CLSTN2: variants seen among roughly 807,000 people sequenced by gnomAD.
CLSTN2 encodes the protein calsyntenin-2.
In CLSTN2, 48 loss-of-function variants were observed where a neutral mutation model predicts 101.2. That is an observed-to-expected ratio of 0.47 (90% CI 0.38 to 0.60). The LOEUF (loss-of-function observed/expected upper bound fraction) is 0.60, where lower values mean the gene tolerates loss of function less well. Among genes scored for constraint, CLSTN2 ranks in the 20% least tolerant of loss-of-function variants. The probability of loss-of-function intolerance (pLI) is 0.00; values close to 1 mark genes in which losing one functional copy is unlikely to be tolerated. For synonymous variants in CLSTN2, 481 were observed against 463.6 expected (o/e 1.04, Z -0.48); for missense variants, 1,160 against 1,238.2 (o/e 0.94, Z 0.95).
intron 2 of CLSTN2, among the ~76,000 whole-genome samples, chr3:140,289,000 C>T (rs747189402): frequency 1.3e-5 from 2 of 152,140 alleles, no homozygotes; most frequent in Admixed American, 1.3e-4. Flanking sequence ...TGCTCTTTTG[C>T]TGCGTTGATT....
At chr3:140,454,571 C>CA (rs1559874233) in intron 6 of CLSTN2, 1 of 152,156 alleles carries the variant, frequency 6.6e-6, no homozygotes, top group African/African-American at 2.4e-5. Context: ...GATTATCAGT[C>CA]GGGGTAAGAC....
intron 8 of CLSTN2, among the ~76,000 whole-genome samples, chr3:140,499,923 C>T (rs951794655): frequency 4.6e-5 from 7 of 151,998 alleles, no homozygotes; most frequent in African/African-American, 9.7e-5. Flanking sequence ...AAAAATTAGC[C>T]GGGCATGGTG....
intron 1 of CLSTN2, among the ~76,000 whole-genome samples, chr3:140,048,479 A>C (rs1387541420): frequency 5.3e-5 from 8 of 152,216 alleles, no homozygotes; most frequent in African/African-American, 1.9e-4. Flanking sequence ...GCTGACCCAA[A>C]GTAGTGCTTG....
chr3:140,080,261 A>G (rs778700777), intron 1 of CLSTN2, among the ~76,000 whole-genome samples: 15 of 152,194 alleles, frequency 9.9e-5, no homozygotes, highest in Non-Finnish European at 1.8e-4. Context: ...ATCAGCCCAC[A>G]TAACTCATTG....
In CLSTN2 at chr3:140,160,555, G is replaced by C. The variant is rs75555668; in HGVS notation, c.110-15396G>C. 7.1e-3 allele frequency among the ~76,000 whole-genome samples: 1,075 copies of C among 152,114 alleles called. 13 individuals carry two copies. Among genetic ancestry groups the C allele is most frequent in the African/African-American group, 0.025 (1,023 of 41,508 alleles). ...TTCTATAGCATTTTTCTCATTCCAT[G>C]CTGGACTGTTCTAGGCCAGTGTTTA... On this transcript the variant is annotated intron_variant, in intron 1 of 16. Transcript: ENST00000458420.
chr3:140,540,108 T>C (rs1935443909), intron 9 of CLSTN2, among the ~76,000 whole-genome samples: 1 of 152,160 alleles, frequency 6.6e-6, no homozygotes, highest in East Asian at 1.9e-4. Context: ...AGGCCCTTAG[T>C]TCCTTCACGT....
chr3:140,455,991 T>C (rs1933389029), intron 6 of CLSTN2, among the ~76,000 whole-genome samples: 1 of 152,162 alleles, frequency 6.6e-6, no homozygotes, highest in Non-Finnish European at 1.5e-5. Context: ...ATGTCCTCAG[T>C]GTGCCCCTCT....
chr3:140,142,791 G>A (rs957060452), intron 1 of CLSTN2, among the ~76,000 whole-genome samples: 2 of 152,160 alleles, frequency 1.3e-5, no homozygotes, highest in Admixed American at 6.5e-5. Context: ...AAAGTGATAA[G>A]CACCTAATTT....
At chr3:140,031,244 A>G (rs2007541157) in intron 1 of CLSTN2, among the ~76,000 whole-genome samples, 1 of 152,226 alleles carries the variant, frequency 6.6e-6, no homozygotes, top group Non-Finnish European at 1.5e-5. Flanking sequence ...TGTGGAGGGA[A>G]GACATCCTTG....
chr3:140,259,168 T>C (rs1422966739), intron 2 of CLSTN2, among the ~76,000 whole-genome samples: 1 of 2,810 alleles, frequency 3.6e-4, no homozygotes, highest in Non-Finnish European at 1.0e-3. Context: ...GAATAATTGA[T>C]TGAAAAAAAA....
intron 2 of CLSTN2, among the ~76,000 whole-genome samples, chr3:140,319,414 G>T (rs1244419363): frequency 6.6e-6 from 1 of 152,192 alleles, no homozygotes. Flanking sequence ...GATAGAACAG[G>T]AGAATCAATT....
chr3:139,948,891 A>G (rs7642046), intron 1 of CLSTN2, among the ~76,000 whole-genome samples: 125,254 of 152,146 alleles, frequency 0.82, 54,178 homozygotes, highest in East Asian at 0.96. Flanking sequence ...AGCTCTCTGT[A>G]AGCACAGCCC....
chr3:140,504,908 T>C (rs957743087), intron 8 of CLSTN2, among the ~76,000 whole-genome samples: 1 of 152,184 alleles, frequency 6.6e-6, no homozygotes, highest in Admixed American at 6.5e-5. Flanking sequence ...CAGAGCTTTA[T>C]ATGAGACCAA....
chr3:140,511,473 A>C (rs1461869965), intron 8 of CLSTN2, among the ~76,000 whole-genome samples: 1 of 147,584 alleles, frequency 6.8e-6, no homozygotes, highest in Admixed American at 6.8e-5. Flanking sequence ...GAACTAATTT[A>C]TGCTCCCACC....
intron 2 of CLSTN2, among the ~76,000 whole-genome samples, chr3:140,336,031 G>T (rs909998280): frequency 6.6e-6 from 1 of 152,134 alleles, no homozygotes; most frequent in East Asian, 1.9e-4. Context: ...TGTCATGGTT[G>T]GGGCTTTGGA....
At chr3:140,156,405 T>C (rs1039971176) in intron 1 of CLSTN2, among the ~76,000 whole-genome samples, 5 of 152,228 alleles carry the variant, frequency 3.3e-5, no homozygotes, top group Non-Finnish European at 1.5e-5. Flanking sequence ...AGATTCTCAA[T>C]AAATATTTAT....
At chr3:140,326,821 G>A (rs2170061) in intron 2 of CLSTN2, among the ~76,000 whole-genome samples, 7,116 of 152,198 alleles carry the variant, frequency 0.047, 544 homozygotes, top group African/African-American at 0.16. Flanking sequence ...GTAATTCGGT[G>A]TGACATTTTC....
At chr3:140,379,819 G>C (rs183825640) in intron 2 of CLSTN2, among the ~76,000 whole-genome samples, 2 of 151,858 alleles carry the variant, frequency 1.3e-5, no homozygotes, top group African/African-American at 4.8e-5. Context: ...GAAGATGCAG[G>C]GTACAGAATT....
chr3:140,197,607 T>A (rs1014394631), intron 2 of CLSTN2, among the ~76,000 whole-genome samples: 1 of 152,182 alleles, frequency 6.6e-6, no homozygotes, highest in Admixed American at 6.5e-5. Context: ...ATCTTACCCC[T>A]CTTACTCTTC....
Sources: gnomAD v4.1 joint callset for allele counts (sites outside exome capture counted in the v4.1 genomes callset) on GRCh38, gnomAD v4.1.1 for gene constraint, MANE v1.5 for transcripts, NCBI Gene and HGNC (gene_info 2026-07-23, HGNC 2026-07-21) for gene names.